The following GLYATL3 variants were observed in gnomAD, a reference collection of about 807,000 sequenced individuals.
The protein encoded by GLYATL3 is glycine-N-acyltransferase like 3, also known as glycine N-acyltransferase-like protein 3.
In GLYATL3, 31 loss-of-function variants were observed where a neutral mutation model predicts 28.5. The observed-to-expected ratio is 1.09, with a 90% confidence interval of 0.82 to 1.47. The LOEUF (loss-of-function observed/expected upper bound fraction) is 1.47. Among genes scored for constraint, GLYATL3 ranks in the 40% most tolerant of loss-of-function variants. The pLI, the probability that GLYATL3 is intolerant of heterozygous loss-of-function variation, is 0.00. For synonymous variants in GLYATL3, 141 were observed against 140.2 expected, an observed-to-expected ratio of 1.01 and a Z score of -0.04; for missense variants, 369 against 351.5, an observed-to-expected ratio of 1.05 and a Z score of -0.40.
At chr6:49,521,868 A>G (rs190367694) in intron 5 of GLYATL3, 97 bp downstream of exon 5, 459 of 1,087,510 alleles carry the variant, frequency 4.2e-4, no homozygotes, top group Non-Finnish European at 5.4e-4. Context: ...TGGAATATCC[A>G]GGCACTCTGG....
intron 1 of GLYATL3, among the ~76,000 whole-genome samples, chr6:49,510,026 T>TTTTA (rs758678176): frequency 2.2e-4 from 31 of 144,106 alleles, no homozygotes; most frequent in African/African-American, 3.2e-4. Flanking sequence ...CCTTCCTTTA[T>TTTTA]TTCATTTATT....
In GLYATL3 at chr6:49,511,020, C is replaced by T. The variant is rs559958905; in HGVS notation, c.-28-943C>T. Among the ~76,000 whole-genome samples, 7 of 152,218 alleles carry T rather than the reference C, an allele frequency of 4.6e-5. No homozygotes were observed. In the South Asian group the frequency reaches 8.3e-4, roughly 18 times the overall value. ...TAGAATTTTCTTTACCTGGAAAATA[C>T]GTTGTAAAGGAATAATCCCAGCTCT... On this transcript the variant is annotated intron_variant, in intron 1 of 5. Transcript: ENST00000371197.
Position 49,517,025 on chromosome 6 carries a change from G to A in GLYATL3, c.187-405G>A, listed in dbSNP as rs142447654. 8.4e-3 allele frequency among the ~76,000 whole-genome samples: 1,273 copies of A among 150,778 alleles called. 53 individuals are homozygous for A. The highest frequency in any genetic ancestry group is 0.068 in the Admixed American group (1,033 of 15,168). On this transcript the variant is annotated intron_variant, in intron 3 of 5. Transcript: ENST00000371197. ...ACAAAAAATAGCTGGGTGTGGTGGCGTGCACCTGTAATCTCAGCTACTTAG... is the reference window on the plus strand; with the variant it reads ...ACAAAAAATAGCTGGGTGTGGTGGCATGCACCTGTAATCTCAGCTACTTAG...
At chr6:49,507,379 T>C (rs9463491) in intron 1 of GLYATL3, among the ~76,000 whole-genome samples, 81,040 of 151,932 alleles carry the variant, frequency 0.53, 22,950 homozygotes, top group Non-Finnish European at 0.65. Context: ...CATAGAATCT[T>C]TGTCAGGGAA....
chr6:49,502,567 T>C (rs1344218069), intron 1 of GLYATL3, among the ~76,000 whole-genome samples: 1 of 152,230 alleles, frequency 6.6e-6, no homozygotes, highest in Non-Finnish European at 1.5e-5. Flanking sequence ...ATAATTCTTA[T>C]AATTCTATCT....
chr6:49,508,768 C>A (rs1222399560), intron 1 of GLYATL3, among the ~76,000 whole-genome samples: 1 of 152,114 alleles, frequency 6.6e-6, no homozygotes, highest in African/African-American at 2.4e-5. Flanking sequence ...ATCCTGCATG[C>A]AATTTTGTAT....
intron 1 of GLYATL3, among the ~76,000 whole-genome samples, chr6:49,504,240 CTT>C (rs59768534): frequency 9.1e-4 from 126 of 139,184 alleles, no homozygotes; most frequent in South Asian, 1.2e-3. Flanking sequence ...TTTTCTTTTT[CTT>C]TTTTTTTTTT....
chr6:49,519,828 T>G (rs966787910), intron 4 of GLYATL3, among the ~76,000 whole-genome samples: 8 of 152,212 alleles, frequency 5.3e-5, no homozygotes, highest in African/African-American at 1.7e-4. Flanking sequence ...CCCTTTAGTT[T>G]GCCATATGAA....
At chr6:49,526,437 A>G in intron 5 of GLYATL3, 51 bp from the exon 6 acceptor site, 3 of 1,464,420 alleles carry the variant, frequency 2.0e-6, no homozygotes, top group Non-Finnish European at 2.8e-6. Context: ...GTAGTTATGT[A>G]TAACCACATG....
chr6:49,508,624 G>A (rs1422085930), intron 1 of GLYATL3, among the ~76,000 whole-genome samples: 1 of 152,146 alleles, frequency 6.6e-6, no homozygotes, highest in East Asian at 1.9e-4. Flanking sequence ...ATGAATATCT[G>A]CTTTTCTGGG....
rs1388867401 is a variant in GLYATL3, at chr6:49,527,502, C to T, written c.*588C>T. On this transcript the variant is annotated 3_prime_UTR_variant, in exon 6 of 6. Transcript: ENST00000371197. ...GAATGTTCAAATATAGTGGTTCTTA[C>T]ATTTTAGTGTTTATCAGAATCACCC... 1.3e-5 allele frequency among the ~76,000 whole-genome samples: 2 copies of T among 152,288 alleles called. No individual in the cohort carries two copies. Among genetic ancestry groups the T allele is most frequent in the Admixed American group, 6.5e-5 (1 of 15,294 alleles).
Position 49,526,552 on chromosome 6 carries a change from T to TGG in GLYATL3, c.506_507dup (p.Ser170GlyfsTer89). The TGG allele has an allele frequency of 1.9e-6, 3 of 1,551,812 alleles. No homozygotes were observed. In the South Asian group the frequency reaches 3.6e-5, roughly 18 times the overall value. ...CAATGCGGATCTACTCAACCGGACT[T>TGG]GGTCCCGGGGAGGCAATGAACAATG... On this transcript the variant is annotated frameshift_variant, in exon 6 of 6. Coordinates refer to ENST00000371197, the MANE Select transcript of GLYATL3 (RefSeq NM_001010904.2). LOFTEE classifies it high-confidence loss of function.
At position 49,521,625 on chromosome 6, in the gene GLYATL3, T is replaced by A; in HGVS notation, c.314-20T>A. 1.3e-6 allele frequency: 2 copies of A among 1,522,806 alleles called. No individual in the cohort carries two copies. The highest frequency in any genetic ancestry group is 1.8e-6 in the Non-Finnish European group (2 of 1,132,942). The allele number at this position is 1,522,806 out of a possible 1,614,324, so 94.3% of individuals were successfully genotyped here. A position where few individuals can be genotyped will look rare whatever the true frequency, so the allele number is the denominator to read the frequency against. On this transcript the variant is annotated intron_variant, in intron 4 of 5. Transcript: ENST00000371197. ...TCAACTAAAATGCCCACATATTAAA[T>A]TATGTCTTTCTATACACAGGGCTGC...
At chr6:49,517,320 C>A in intron 3 of GLYATL3, 110 bp from the exon 4 acceptor site, 3 of 869,666 alleles carry the variant, frequency 3.4e-6, no homozygotes, top group Non-Finnish European at 4.9e-6. Context: ...TTTTGTTAGC[C>A]ACCTATAAAA....
chr6:49,505,305 G>A (rs1768991646), intron 1 of GLYATL3, among the ~76,000 whole-genome samples: 1 of 152,176 alleles, frequency 6.6e-6, no homozygotes, highest in Admixed American at 6.5e-5. Flanking sequence ...TATTTTTGAT[G>A]GTAGCTGTTT....
chr6:49,526,479 C>G lies in GLYATL3; in HGVS notation c.441-9C>G. On this transcript the variant is annotated splice_polypyrimidine_tract_variant and intron_variant, in intron 5 of 5. Transcript: ENST00000371197. ...AGGTCCTATTTGTTTTTGTGTCATT[C>G]TGGTCTAGCAAGGGGCCTTCCCCAC... The G allele has an allele frequency of 6.5e-7, 1 of 1,547,250 alleles. No homozygotes were observed. Among genetic ancestry groups the G allele is most frequent in the Non-Finnish European group, 8.7e-7 (1 of 1,144,262 alleles).
chr6:49,527,102 C>T lies in GLYATL3; in HGVS notation c.*188C>T, dbSNP rs1303278467. 3 of 552,986 alleles carry T rather than the reference C, an allele frequency of 5.4e-6. No homozygotes were observed. Among genetic ancestry groups the T allele is most frequent in the Non-Finnish European group, 9.5e-6 (3 of 314,602 alleles). The allele number at this position is 552,986 out of a possible 1,614,324, so 34.3% of individuals were successfully genotyped here. ...TATCTCAGGTTTCTCCAGTAAATAGCTGTGGGGGTGAAGAGTAGCTGTGGC... is the reference window on the plus strand; with the variant it reads ...TATCTCAGGTTTCTCCAGTAAATAGTTGTGGGGGTGAAGAGTAGCTGTGGC... On this transcript the variant is annotated 3_prime_UTR_variant, in exon 6 of 6. Transcript: ENST00000371197.
chr6:49,520,514 C>T (rs1769295069), intron 4 of GLYATL3, among the ~76,000 whole-genome samples: 1 of 152,204 alleles, frequency 6.6e-6, no homozygotes, highest in Non-Finnish European at 1.5e-5. Flanking sequence ...GTGTTCAATA[C>T]ACCTTCCCAC....
intron 1 of GLYATL3, among the ~76,000 whole-genome samples, chr6:49,510,214 G>T (rs532844924): frequency 6.6e-6 from 1 of 151,598 alleles, no homozygotes; most frequent in Non-Finnish European, 1.5e-5. Context: ...GGCTAATTTT[G>T]TATTTTTAGT....
Sources: allele counts gnomAD v4.1 joint callset (sites outside exome capture counted in the v4.1 genomes callset), GRCh38; gene constraint gnomAD v4.1.1; transcripts MANE v1.5; gene names NCBI Gene and HGNC (gene_info 2026-07-23, HGNC 2026-07-21).